FHIT: variants seen among roughly 807,000 people sequenced by gnomAD.
FHIT encodes fragile histidine triad diadenosine triphosphatase.
A neutral mutation model predicts 17.9 loss-of-function variants in FHIT; 19 were observed. That is an observed-to-expected ratio of 1.06 (90% CI 0.74 to 1.56). The LOEUF is 1.56. Among genes scored for constraint, FHIT ranks in the 40% most tolerant of loss-of-function variants. The pLI is 0.00. For missense variants in FHIT, 248 were observed against 189.2 expected (o/e 1.31, Z -1.82); for synonymous variants, 81 against 69.7 (o/e 1.16, Z -0.81).
intron 7 of FHIT, among the ~76,000 whole-genome samples, chr3:59,983,966 A>T (rs1210565506): frequency 6.6e-6 from 1 of 152,140 alleles, no homozygotes; most frequent in Non-Finnish European, 1.5e-5. Flanking sequence ...GGCAAAGAAC[A>T]TATATTTACG....
chr3:61,059,714 C>A (rs1037324118), intron 2 of FHIT, among the ~76,000 whole-genome samples: 3 of 152,190 alleles, frequency 2.0e-5, no homozygotes, highest in African/African-American at 7.2e-5. Flanking sequence ...CAGGGAACAA[C>A]CTGAACACTT....
chr3:60,972,266 T>C (rs1228963230), intron 3 of FHIT, among the ~76,000 whole-genome samples: 2 of 152,296 alleles, frequency 1.3e-5, no homozygotes, highest in African/African-American at 4.8e-5. Flanking sequence ...AGTTTTGATA[T>C]AGATATGCTG....
intron 5 of FHIT, among the ~76,000 whole-genome samples, chr3:60,042,385 C>T (rs1325918783): frequency 1.3e-5 from 2 of 152,148 alleles, no homozygotes; most frequent in African/African-American, 4.8e-5. Flanking sequence ...GTACCACAAA[C>T]TGGCTGGCTT....
chr3:60,334,038 C>T lies in FHIT; in HGVS notation c.103+202822G>A, dbSNP rs147265515. Among the ~76,000 whole-genome samples the T allele has an allele frequency of 3.4e-3, 517 of 152,246 alleles. 4 individuals carry two copies. The highest frequency in any genetic ancestry group is 0.012 in the African/African-American group (495 of 41,538). On this transcript the variant is annotated intron_variant, in intron 5 of 9. Transcript: ENST00000492590. ...AGAGATGGGTTTGACACTGACTTCC[C>T]ATCTCCTCAGTTACAGCATGTGATT...
intron 3 of FHIT, among the ~76,000 whole-genome samples, chr3:61,001,477 A>C (rs1163038090): frequency 6.6e-5 from 10 of 152,372 alleles, no homozygotes; most frequent in African/African-American, 2.2e-4. Context: ...TCTTAGCAAT[A>C]CAAAGGAATG....
At chr3:59,933,685 G>T (rs915572691) in intron 7 of FHIT, among the ~76,000 whole-genome samples, 2 of 152,122 alleles carry the variant, frequency 1.3e-5, no homozygotes, top group Non-Finnish European at 2.9e-5. Context: ...CTTTAGGCCT[G>T]CAGGTATGAA....
At chr3:60,287,248 A>T (rs1707768533) in intron 5 of FHIT, among the ~76,000 whole-genome samples, 1 of 152,144 alleles carries the variant, frequency 6.6e-6, no homozygotes, top group South Asian at 2.1e-4. Context: ...GCCTCACTGC[A>T]GCCTCTGCCT....
At chr3:59,922,706 G>A (rs746132381) in intron 7 of FHIT, among the ~76,000 whole-genome samples, 19 of 152,160 alleles carry the variant, frequency 1.2e-4, no homozygotes, top group Non-Finnish European at 1.9e-4. Context: ...TAGTTAGCCA[G>A]TGCTTTGAAA....
chr3:60,840,229 G>C (rs1229111267), intron 3 of FHIT, among the ~76,000 whole-genome samples: 2 of 152,130 alleles, frequency 1.3e-5, no homozygotes, highest in African/African-American at 4.8e-5. Context: ...GGCAGGCCAG[G>C]ATATATGCAG....
chr3:61,008,703 G>A (rs867762633), intron 3 of FHIT, among the ~76,000 whole-genome samples: 2 of 151,944 alleles, frequency 1.3e-5, no homozygotes, highest in South Asian at 2.1e-4. Context: ...AATGAGGGAG[G>A]GACATTATCT....
At chr3:59,864,140 G>A (rs960296038) in intron 8 of FHIT, among the ~76,000 whole-genome samples, 1 of 130,120 alleles carries the variant, frequency 7.7e-6, no homozygotes, top group Non-Finnish European at 1.9e-5. Flanking sequence ...ACAGTACCTA[G>A]CTAACCCACA....
intron 4 of FHIT, among the ~76,000 whole-genome samples, chr3:60,555,345 T>C (rs111855101): frequency 1.3e-5 from 2 of 152,198 alleles, no homozygotes; most frequent in African/African-American, 4.8e-5. Context: ...TCATGGAGTC[T>C]TGAAATAGAG....
Position 60,306,853 on chromosome 3 carries a change from T to C in FHIT, c.103+230007A>G, listed in dbSNP as rs899328797. 7.9e-5 allele frequency among the ~76,000 whole-genome samples: 12 copies of C among 152,166 alleles called. No individual in the cohort carries two copies. In the East Asian group the frequency reaches 2.1e-3, roughly 27 times the overall value. On this transcript the variant is annotated intron_variant, in intron 5 of 9. Coordinates refer to ENST00000492590, the MANE Select transcript of FHIT (RefSeq NM_002012.4). Reference sequence around the variant, plus strand: ...CGTCAGTGCTCAAAGAGTACAGTCATATCGTTTGAATTATCAATAATAATA... The same window carrying C: ...CGTCAGTGCTCAAAGAGTACAGTCACATCGTTTGAATTATCAATAATAATA...
At chr3:59,851,577 C>T (rs1701937255) in intron 8 of FHIT, among the ~76,000 whole-genome samples, 1 of 152,184 alleles carries the variant, frequency 6.6e-6, no homozygotes, top group Non-Finnish European at 1.5e-5. Context: ...TTGATACACA[C>T]CCAACCTATG....
intron 4 of FHIT, among the ~76,000 whole-genome samples, chr3:60,749,582 G>A (rs1342295530): frequency 6.6e-6 from 1 of 152,194 alleles, no homozygotes; most frequent in Non-Finnish European, 1.5e-5. Context: ...ATGACAGAGA[G>A]ATCATTGTCA....
rs774690703 is a variant in FHIT at position 61,209,042 on chromosome 3, T to C, written c.-212-8377A>G. ...GAGAAAATCTCTCAGCATTTGCTTG[T>C]CTGTAAAGGATTTTATTTCTCCTTC... is the stretch of plus-strand genomic sequence containing the variant. On this transcript the variant is annotated intron_variant, in intron 1 of 9. Coordinates refer to ENST00000492590, the MANE Select transcript of FHIT (RefSeq NM_002012.4). 1.8e-4 allele frequency among the ~76,000 whole-genome samples: 28 copies of C among 152,176 alleles called. 1 individual carries two copies. Among genetic ancestry groups the C allele is most frequent in the Admixed American group, 3.3e-4 (5 of 15,286 alleles).
intron 4 of FHIT, among the ~76,000 whole-genome samples, chr3:60,614,831 G>GT (rs1327062142): frequency 0.011 from 570 of 53,472 alleles, 31 homozygotes; most frequent in Middle Eastern, 0.033. Context: ...TTTTTTTTTT[G>GT]TTTTTTTTTT....
intron 4 of FHIT, among the ~76,000 whole-genome samples, chr3:60,579,693 G>A (rs1202312924): frequency 2.0e-5 from 3 of 152,070 alleles, no homozygotes; most frequent in African/African-American, 7.2e-5. Context: ...TACAGTTTGA[G>A]ATAAATTTGA....
intron 7 of FHIT, among the ~76,000 whole-genome samples, chr3:59,995,219 A>G (rs952362340): frequency 3.9e-5 from 6 of 152,078 alleles, no homozygotes; most frequent in African/African-American, 1.4e-4. Context: ...AAAACAACAG[A>G]ACAAAACCTT....
Sources: gnomAD v4.1 joint callset for allele counts (sites outside exome capture counted in the v4.1 genomes callset) on GRCh38, gnomAD v4.1.1 for gene constraint, MANE v1.5 for transcripts, NCBI Gene and HGNC (gene_info 2026-07-23, HGNC 2026-07-21) for gene names.